Variants in CHST9 observed in about 807,000 individuals in gnomAD.
CHST9 encodes the protein GalNAc-4-sulfotransferase 2.
Under a neutral mutation model 44.4 loss-of-function variants are expected in CHST9, and 41 were observed. The observed-to-expected ratio is 0.92, with a 90% CI of 0.72 to 1.20. The LOEUF (loss-of-function observed/expected upper bound fraction) is 1.20, where lower values mean the gene tolerates loss of function less well. Among genes scored for constraint, CHST9 ranks in the 50% most tolerant of loss-of-function variants. CHST9 has a pLI of 0.00. For synonymous variants in CHST9, 171 were observed against 178.4 expected (o/e 0.96, Z 0.33); for missense variants, 504 against 516.5 (o/e 0.98, Z 0.23).
At chr18:27,110,060 T>C (rs2143777235) in intron 2 of CHST9, among the ~76,000 whole-genome samples, 1 of 152,072 alleles carries the variant, frequency 6.6e-6, no homozygotes, top group Non-Finnish European at 1.5e-5. Context: ...TGTCTCAGGG[T>C]TTCAACACAT....
chr18:27,121,354 T>C (rs1157055378), intron 2 of CHST9, among the ~76,000 whole-genome samples: 1 of 152,056 alleles, frequency 6.6e-6, no homozygotes, highest in Admixed American at 6.6e-5. Flanking sequence ...GTGTACCACA[T>C]GCCTATTTTG....
chr18:26,945,081 T>TA (rs1246548942), intron 4 of CHST9, among the ~76,000 whole-genome samples: 1 of 151,924 alleles, frequency 6.6e-6, no homozygotes, highest in Non-Finnish European at 1.5e-5. Context: ...TAGTAATAAA[T>TA]AAAAAACAAA....
chr18:26,929,692 C>A (rs938151491), intron 5 of CHST9, among the ~76,000 whole-genome samples: 1 of 152,082 alleles, frequency 6.6e-6, no homozygotes, highest in African/African-American at 2.4e-5. Context: ...ATCAATGTGT[C>A]CATCTCCCTT....
chr18:26,946,672 A>G (rs1482914080), intron 4 of CHST9, among the ~76,000 whole-genome samples: 1 of 152,178 alleles, frequency 6.6e-6, no homozygotes, highest in Non-Finnish European at 1.5e-5. Flanking sequence ...TAAGTCTTTA[A>G]TCCATCTTGA....
At chr18:27,112,236 T>C (rs372105270) in intron 2 of CHST9, among the ~76,000 whole-genome samples, 10 of 151,212 alleles carry the variant, frequency 6.6e-5, no homozygotes, top group East Asian at 3.9e-4. Context: ...TGATCTACCA[T>C]CTGCAAGCTG....
At chr18:27,094,268 C>A (rs1047993702) in intron 2 of CHST9, among the ~76,000 whole-genome samples, 19 of 152,124 alleles carry the variant, frequency 1.2e-4, no homozygotes, top group Admixed American at 5.2e-4. Flanking sequence ...TGGAATGGGA[C>A]AAAATTATTG....
intron 5 of CHST9, among the ~76,000 whole-genome samples, chr18:26,943,955 G>A (rs1226257992): frequency 6.6e-6 from 1 of 152,132 alleles, no homozygotes; most frequent in African/African-American, 2.4e-5. Context: ...ACGAAAACCT[G>A]AGAAAATCAC....
chr18:27,133,041 G>A (rs1455594016), intron 2 of CHST9, among the ~76,000 whole-genome samples: 1 of 152,140 alleles, frequency 6.6e-6, no homozygotes, highest in East Asian at 1.9e-4. Flanking sequence ...GGGAATCACT[G>A]GCCAGGCTTG....
At chr18:27,086,326 C>T (rs1377271156) in intron 2 of CHST9, among the ~76,000 whole-genome samples, 1 of 152,130 alleles carries the variant, frequency 6.6e-6, no homozygotes, top group East Asian at 1.9e-4. Context: ...TTTCTTTTGA[C>T]AAATTACAAT....
At chr18:26,961,452 C>G (rs141604120) in intron 4 of CHST9, among the ~76,000 whole-genome samples, 361 of 151,472 alleles carry the variant, frequency 2.4e-3, no homozygotes, top group Middle Eastern at 3.4e-3. Context: ...GCCCTTGTGA[C>G]AGCAACTGGC....
Position 26,908,365 on chromosome 18 carries a change from A to T in CHST9, c.*7894T>A, listed in dbSNP as rs1173469972. 6.6e-6 allele frequency: 1 copy of T among 152,146 alleles called. No individual in the cohort carries two copies. Among genetic ancestry groups the T allele is most frequent in the Non-Finnish European group, 1.5e-5 (1 of 68,044 alleles). 9.4% of individuals were successfully genotyped at this position (152,146 alleles called of 1,614,324 possible). On this transcript the variant is annotated 3_prime_UTR_variant, in exon 6 of 6. Coordinates refer to ENST00000618847, the MANE Select transcript of CHST9 (RefSeq NM_031422.6). ...CCAGGACGTGGAGGTTGCAGTGAGC[A>T]GAGATGGTGCCACTGCACTGCAGCC...
At chr18:26,934,079 G>A (rs1260127604) in intron 5 of CHST9, among the ~76,000 whole-genome samples, 1 of 152,172 alleles carries the variant, frequency 6.6e-6, no homozygotes, top group East Asian at 1.9e-4. Flanking sequence ...TGGTTGCCCT[G>A]TGAGTGCGAA....
At chr18:27,062,847 G>A (rs960546498) in intron 2 of CHST9, among the ~76,000 whole-genome samples, 3 of 152,056 alleles carry the variant, frequency 2.0e-5, no homozygotes, top group East Asian at 3.9e-4. Context: ...TTTAATGATC[G>A]CCATTCTAAC....
At chr18:27,107,429 C>A (rs940840592) in intron 2 of CHST9, among the ~76,000 whole-genome samples, 3 of 152,178 alleles carry the variant, frequency 2.0e-5, no homozygotes, top group Non-Finnish European at 4.4e-5. Context: ...TACATAAAAA[C>A]AGCAAAGACT....
At chr18:27,169,898 C>T (rs559250896) in intron 1 of CHST9, among the ~76,000 whole-genome samples, 74 of 152,152 alleles carry the variant, frequency 4.9e-4, no homozygotes, top group Non-Finnish European at 8.2e-4. Flanking sequence ...TGAGCCACTG[C>T]GCCTGGCCAG....
intron 3 of CHST9, among the ~76,000 whole-genome samples, chr18:27,039,953 GA>G (rs1398029338): frequency 3.3e-5 from 5 of 152,110 alleles, no homozygotes; most frequent in African/African-American, 1.2e-4. Flanking sequence ...TTTGTCTCTG[GA>G]TATCAGTGAA....
Position 27,013,011 on chromosome 18 carries a change from A to T in CHST9, c.202+11105T>A, listed in dbSNP as rs150649107. Among the ~76,000 whole-genome samples the T allele has an allele frequency of 7.4e-4, 112 of 152,326 alleles. 1 individual carries two copies. The highest frequency in any genetic ancestry group is 2.6e-3 in the African/African-American group (106 of 41,562). On this transcript the variant is annotated intron_variant, in intron 4 of 5. Coordinates refer to ENST00000618847, the MANE Select transcript of CHST9 (RefSeq NM_031422.6). ...TAGTGTACAGTGTCACCTCTGTCAT[A>T]TACCTCTGTCAAACTGGTGCAGTGG...
rs1422557968 is a variant in CHST9 at position 26,908,622 on chromosome 18, T to C, written c.*7637A>G. 1 of 152,168 alleles carries C rather than the reference T, an allele frequency of 6.6e-6. No individual in the cohort carries two copies. The highest frequency in any genetic ancestry group is 1.5e-5 in the Non-Finnish European group (1 of 68,024). The allele number at this position is 152,168 out of a possible 1,614,324, so 9.4% of individuals were successfully genotyped here. Reference sequence around the variant, plus strand: ...ACTTCTATTCAGAGGCTATTTCCAATAGTTCTGAGGAGAGCCAATGTGGTT... The same window carrying C: ...ACTTCTATTCAGAGGCTATTTCCAACAGTTCTGAGGAGAGCCAATGTGGTT... On this transcript the variant is annotated 3_prime_UTR_variant, in exon 6 of 6. Transcript: ENST00000618847.
chr18:27,184,232 A>T (rs562602174), intron 1 of CHST9, among the ~76,000 whole-genome samples: 1 of 152,180 alleles, frequency 6.6e-6, no homozygotes, highest in Admixed American at 6.5e-5. Flanking sequence ...AACGCTGGGG[A>T]TTATTCAGGC....
Sources: allele counts gnomAD v4.1 joint callset (sites outside exome capture counted in the v4.1 genomes callset), GRCh38; gene constraint gnomAD v4.1.1; transcripts MANE v1.5; gene names NCBI Gene and HGNC (gene_info 2026-07-23, HGNC 2026-07-21).